Variants in TAF4 observed in about 807,000 individuals in gnomAD.
The protein encoded by TAF4 is TATA-box binding protein associated factor 4.
Under a neutral mutation model 90.3 loss-of-function variants are expected in TAF4, and 9 were observed. The observed-to-expected ratio is 0.10, with a 90% CI of 0.06 to 0.17. The LOEUF (loss-of-function observed/expected upper bound fraction) is 0.17. Among genes scored for constraint, TAF4 ranks in the 10% least tolerant of loss-of-function variants. TAF4 has a pLI of 1.00. For missense variants in TAF4, 1,351 were observed against 1,370.7 expected, an observed-to-expected ratio of 0.99 and a Z score of 0.23; for synonymous variants, 818 against 638.9, an observed-to-expected ratio of 1.28 and a Z score of -4.23.
chr20:62,009,928 G>A, intron 4 of TAF4, 118 bp downstream of exon 4: 4 of 1,495,266 alleles, frequency 2.7e-6, no homozygotes, highest in Non-Finnish European at 3.6e-6. Context: ...TCACTGCTTT[G>A]TGAAGCAAGC....
At chr20:61,988,456 A>C (rs1344585712) in intron 14 of TAF4, among the ~76,000 whole-genome samples, 2 of 152,188 alleles carry the variant, frequency 1.3e-5, no homozygotes, top group East Asian at 1.9e-4. Flanking sequence ...GTTTAACATG[A>C]GGCTAAACTG....
intron 1 of TAF4, among the ~76,000 whole-genome samples, chr20:62,051,487 G>A (rs2056027142): frequency 6.6e-6 from 1 of 152,120 alleles, no homozygotes; most frequent in Non-Finnish European, 1.5e-5. Context: ...TGCACGTGCA[G>A]AGGGAACTTC....
intron 1 of TAF4, among the ~76,000 whole-genome samples, chr20:62,027,829 A>G (rs1018724137): frequency 6.6e-5 from 10 of 152,230 alleles, no homozygotes; most frequent in Non-Finnish European, 1.3e-4. Flanking sequence ...CATGGCCCAC[A>G]TCGCTCCATG....
chr20:62,009,320 A>C (rs993952620), intron 4 of TAF4, 146 bp from the exon 5 acceptor site: 1 of 882,022 alleles, frequency 1.1e-6, no homozygotes. Flanking sequence ...ACCTCTTGGA[A>C]CCCTGGGCCA....
chr20:62,012,938 A>C lies in TAF4; in HGVS notation c.1522-4T>G. On this transcript the variant is annotated splice_region_variant and splice_polypyrimidine_tract_variant and intron_variant, in intron 2 of 14. Coordinates refer to ENST00000252996, the MANE Select transcript of TAF4 (RefSeq NM_003185.4). ...CAATGATAGGTGTTCCAGGTGCCTG[A>C]AAAATAAGCAGAGTCACCTAAAACG... 1 of 1,612,122 alleles carries C rather than the reference A, an allele frequency of 6.2e-7. No individual in the cohort carries two copies. The highest frequency in any genetic ancestry group is 8.5e-7 in the Non-Finnish European group (1 of 1,179,528).
intron 8 of TAF4, 21 bp downstream of exon 8, chr20:62,003,710 A>T: frequency 6.4e-7 from 1 of 1,564,876 alleles, no homozygotes; most frequent in African/African-American, 1.4e-5. Context: ...TTGAGCGGCC[A>T]GGGGCCCGCG....
chr20:62,014,031 T>TGG (rs1568932207), intron 2 of TAF4, among the ~76,000 whole-genome samples: 3,059 of 141,550 alleles, frequency 0.022, 134 homozygotes, highest in African/African-American at 0.081. Context: ...TGTGTGTGTG[T>TGG]GTGTGTGTGT....
intron 1 of TAF4, among the ~76,000 whole-genome samples, chr20:62,050,300 T>C (rs1032970716): frequency 1.3e-5 from 2 of 152,112 alleles, no homozygotes; most frequent in South Asian, 2.1e-4. Flanking sequence ...CTGCTCCCCA[T>C]GGACCACTCC....
At chr20:62,059,284 A>G (rs890376918) in intron 1 of TAF4, among the ~76,000 whole-genome samples, 3 of 152,252 alleles carry the variant, frequency 2.0e-5, no homozygotes, top group East Asian at 1.9e-4. Flanking sequence ...GAGGGGCCTC[A>G]TGGTGGACAA....
intron 1 of TAF4, among the ~76,000 whole-genome samples, chr20:62,052,267 G>C (rs956590209): frequency 5.0e-5 from 6 of 119,196 alleles, no homozygotes; most frequent in African/African-American, 1.9e-4. Flanking sequence ...AACTCCCACC[G>C]ACCCGAAGCA....
intron 1 of TAF4, among the ~76,000 whole-genome samples, chr20:62,063,487 G>A (rs1008337970): frequency 6.6e-6 from 1 of 152,152 alleles, no homozygotes; most frequent in Non-Finnish European, 1.5e-5. Flanking sequence ...CAGCAATGCT[G>A]GCCAGGCAAT....
At position 62,018,719 on chromosome 20, in the gene TAF4, C is replaced by T. The variant is rs914242961; in HGVS notation, c.1361-4012G>A. ...CAAGGATGACAGGGAGCAGGGCTCT[C>T]GGATACAGAGGCACAACCGGCTCCA... On this transcript the variant is annotated intron_variant, in intron 1 of 14. Coordinates refer to ENST00000252996, the MANE Select transcript of TAF4 (RefSeq NM_003185.4). Among the ~76,000 whole-genome samples, 3 of 152,238 alleles carry T rather than the reference C, an allele frequency of 2.0e-5. No homozygotes were observed. The East Asian group carries it at 5.8e-4, about 29-fold the overall frequency.
At chr20:62,003,697 G>A (rs923753529) in intron 8 of TAF4, 34 bp downstream of exon 8, 9 of 1,547,452 alleles carry the variant, frequency 5.8e-6, no homozygotes, top group Non-Finnish European at 7.8e-6. Flanking sequence ...GCAGCCCTTG[G>A]TGTTGAGCGG....
chr20:62,050,829 C>T (rs765937522), intron 1 of TAF4, among the ~76,000 whole-genome samples: 1 of 151,988 alleles, frequency 6.6e-6, no homozygotes, highest in Non-Finnish European at 1.5e-5. Flanking sequence ...TCAGAACCCC[C>T]ACACCTGGCC....
chr20:61,990,042 G>T (rs989394856), intron 14 of TAF4, among the ~76,000 whole-genome samples: 1 of 152,200 alleles, frequency 6.6e-6, no homozygotes, highest in East Asian at 1.9e-4. Flanking sequence ...CGACGCTGTG[G>T]AGAAACACAG....
At chr20:62,011,233 C>T (rs942352617) in intron 3 of TAF4, among the ~76,000 whole-genome samples, 1 of 152,062 alleles carries the variant, frequency 6.6e-6, no homozygotes, top group Non-Finnish European at 1.5e-5. Flanking sequence ...CAAATAAAAA[C>T]CTCCAGTGAA....
In TAF4 at chr20:62,063,822, A is replaced by G. The variant is rs28381994; in HGVS notation, c.1360+629T>C. On this transcript the variant is annotated intron_variant, in intron 1 of 14. Coordinates refer to ENST00000252996, the MANE Select transcript of TAF4 (RefSeq NM_003185.4). ...GGCTGCGCGCCGGGAGGACTCTCGC[A>G]GGATGCGCCTGACATCTCTCCCTGC... Among the ~76,000 whole-genome samples, 1,125 of 152,376 alleles carry G rather than the reference A, an allele frequency of 7.4e-3. 13 individuals carry two copies. The highest frequency in any genetic ancestry group is 0.026 in the African/African-American group (1,074 of 41,598).
chr20:61,984,138 C>T lies in TAF4; in HGVS notation c.3091-7803G>A, dbSNP rs535795240. Among the ~76,000 whole-genome samples, 87 of 152,306 alleles carry T rather than the reference C, an allele frequency of 5.7e-4. 1 individual carries two copies. In the South Asian group the frequency reaches 0.017, roughly 30 times the overall value. ...CTAAGCCAGCAGCCGGAAGACTGAG[C>T]GACCTCATCACTGAGGAGCGGCTCG... On this transcript the variant is annotated intron_variant, in intron 14 of 14. Coordinates refer to ENST00000252996, the MANE Select transcript of TAF4 (RefSeq NM_003185.4).
intron 1 of TAF4, among the ~76,000 whole-genome samples, chr20:62,063,907 G>T (rs1303276914): frequency 6.6e-6 from 1 of 152,250 alleles, no homozygotes; most frequent in Non-Finnish European, 1.5e-5. Flanking sequence ...CAAGGAGGGG[G>T]CGTCGCGCCC....
Sources: allele counts gnomAD v4.1 joint callset (sites outside exome capture counted in the v4.1 genomes callset), GRCh38; gene constraint gnomAD v4.1.1; transcripts MANE v1.5; gene names NCBI Gene and HGNC (gene_info 2026-07-23, HGNC 2026-07-21).